Variants in PPM1L observed in about 807,000 individuals in gnomAD.
PPM1L encodes the protein protein phosphatase, Mg2+/Mn2+ dependent 1L, also known as protein phosphatase 1L.
A neutral mutation model predicts 31.4 loss-of-function variants in PPM1L; 13 were observed. That is an observed-to-expected ratio of 0.41 (90% CI 0.27 to 0.66). The LOEUF (loss-of-function observed/expected upper bound fraction) is 0.66. PPM1L is among the 30% of genes least tolerant of loss of function. PPM1L has a pLI of 0.29. For missense variants in PPM1L, 326 were observed against 453.7 expected (o/e 0.72, Z 2.56); for synonymous variants, 184 against 175.4 (o/e 1.05, Z -0.39).
At chr3:160,795,196 A>G (rs1358645525) in intron 1 of PPM1L, among the ~76,000 whole-genome samples, 1 of 152,224 alleles carries the variant, frequency 6.6e-6, no homozygotes, top group Non-Finnish European at 1.5e-5. Flanking sequence ...CGATCCACCA[A>G]TAAGCATTTT....
chr3:161,052,446 T>C (rs986905009), intron 2 of PPM1L, among the ~76,000 whole-genome samples: 7 of 152,214 alleles, frequency 4.6e-5, no homozygotes, highest in Non-Finnish European at 2.9e-5. Context: ...CCCAAAACCT[T>C]GGTTGATAGA....
chr3:160,849,388 G>A (rs1179235750), intron 1 of PPM1L, among the ~76,000 whole-genome samples: 1 of 151,524 alleles, frequency 6.6e-6, no homozygotes, highest in Admixed American at 6.6e-5. Context: ...CAGGAGACCT[G>A]CATTCTCTTT....
chr3:160,890,517 A>G (rs1713101615), intron 1 of PPM1L, among the ~76,000 whole-genome samples: 1 of 152,240 alleles, frequency 6.6e-6, no homozygotes, highest in South Asian at 2.1e-4. Context: ...CCTCATGGAT[A>G]GTAAGAATCA....
At chr3:160,921,498 A>G (rs1243847801) in intron 1 of PPM1L, among the ~76,000 whole-genome samples, 3 of 152,198 alleles carry the variant, frequency 2.0e-5, no homozygotes, top group African/African-American at 7.2e-5. Flanking sequence ...ATAATTTCAA[A>G]GGGCCTTTGA....
chr3:160,981,790 T>C (rs967349963), intron 2 of PPM1L, among the ~76,000 whole-genome samples: 2 of 144,826 alleles, frequency 1.4e-5, no homozygotes, highest in Non-Finnish European at 3.1e-5. Context: ...TGAGATGGAG[T>C]CTCGCTCTGT....
chr3:161,048,922 G>A (rs1485584904), intron 2 of PPM1L, among the ~76,000 whole-genome samples: 2 of 112,022 alleles, frequency 1.8e-5, no homozygotes, highest in Non-Finnish European at 3.4e-5. Flanking sequence ...ACACACTGGG[G>A]CCTGTCGTGG....
At chr3:160,904,488 T>C (rs941572017) in intron 1 of PPM1L, among the ~76,000 whole-genome samples, 14 of 152,158 alleles carry the variant, frequency 9.2e-5, no homozygotes, top group South Asian at 6.2e-4. Flanking sequence ...GTTTCTGTAT[T>C]TCTCAAGTTT....
chr3:160,828,185 G>A (rs1713412783), intron 1 of PPM1L, among the ~76,000 whole-genome samples: 1 of 152,008 alleles, frequency 6.6e-6, no homozygotes, highest in South Asian at 2.1e-4. Context: ...ATGCTTCTTG[G>A]TGCTATCTGT....
intron 1 of PPM1L, among the ~76,000 whole-genome samples, chr3:160,871,766 T>C (rs569272677): frequency 2.0e-4 from 31 of 152,220 alleles, no homozygotes; most frequent in African/African-American, 7.0e-4. Flanking sequence ...CCTTCCTTTT[T>C]TTTTTCTTAT....
intron 1 of PPM1L, among the ~76,000 whole-genome samples, chr3:160,869,061 A>G (rs1425313413): frequency 1.3e-5 from 2 of 152,324 alleles, no homozygotes; most frequent in East Asian, 3.9e-4. Flanking sequence ...GGGCTTTACT[A>G]TACCTGCTCT....
chr3:160,960,558 TTGTGTGTGTGTGTGTG>T (rs59297068), intron 1 of PPM1L, among the ~76,000 whole-genome samples: 424 of 145,456 alleles, frequency 2.9e-3, no homozygotes, highest in African/African-American at 9.0e-3. Context: ...TTTAGCAGTT[TTGTGTGTGTGTGTGTG>T]TGTGTGTGTG....
intron 1 of PPM1L, among the ~76,000 whole-genome samples, chr3:160,884,493 A>G (rs1307510905): frequency 6.6e-6 from 1 of 152,194 alleles, no homozygotes; most frequent in African/African-American, 2.4e-5. Flanking sequence ...TTTGTGACCT[A>G]TGTGCTGTAA....
At chr3:160,779,906 A>G (rs1213869656) in intron 1 of PPM1L, among the ~76,000 whole-genome samples, 1 of 152,148 alleles carries the variant, frequency 6.6e-6, no homozygotes. Context: ...CATCTGAAAA[A>G]ATGCGAATGA....
intron 1 of PPM1L, among the ~76,000 whole-genome samples, chr3:160,785,061 G>A (rs1711863774): frequency 6.6e-6 from 1 of 152,106 alleles, no homozygotes; most frequent in Non-Finnish European, 1.5e-5. Flanking sequence ...GACTAGCACT[G>A]GGGAGTGTGT....
At position 161,002,135 on chromosome 3, in the gene PPM1L, A is replaced by G. The variant is rs145948036; in HGVS notation, c.574+40225A>G. Reference sequence around the variant, plus strand: ...AGTTTACTGAGAATGATGATTTCCAATTTCATCCATGTCCCTACAAACGAC... The same window carrying G: ...AGTTTACTGAGAATGATGATTTCCAGTTTCATCCATGTCCCTACAAACGAC... On this transcript the variant is annotated intron_variant, in intron 2 of 3. Coordinates refer to ENST00000498165, the MANE Select transcript of PPM1L (RefSeq NM_139245.4). Among the ~76,000 whole-genome samples, 1,312 of 152,078 alleles carry G rather than the reference A, an allele frequency of 8.6e-3. 26 individuals are homozygous for G. The highest frequency in any genetic ancestry group is 0.029 in the African/African-American group (1,217 of 41,464).
intron 1 of PPM1L, among the ~76,000 whole-genome samples, chr3:160,956,345 T>C (rs7644586): frequency 0.47 from 71,008 of 152,164 alleles, 17,866 homozygotes; most frequent in East Asian, 0.73. Flanking sequence ...GCCGAAGTCA[T>C]CATCTTTTCA....
intron 1 of PPM1L, among the ~76,000 whole-genome samples, chr3:160,847,315 A>G (rs1319134491): frequency 6.6e-6 from 1 of 152,238 alleles, no homozygotes; most frequent in African/African-American, 2.4e-5. Context: ...CCAATATTTT[A>G]TATTAATTTT....
At chr3:160,917,397 T>G (rs1714221015) in intron 1 of PPM1L, among the ~76,000 whole-genome samples, 1 of 152,224 alleles carries the variant, frequency 6.6e-6, no homozygotes, top group Non-Finnish European at 1.5e-5. Flanking sequence ...TAGAAATTGT[T>G]GACTTTCCAG....
intron 1 of PPM1L, among the ~76,000 whole-genome samples, chr3:160,805,197 A>G (rs541675069): frequency 1.3e-5 from 2 of 152,346 alleles, no homozygotes; most frequent in East Asian, 1.9e-4. Flanking sequence ...TGTAATTTAT[A>G]TCACTTTGAA....
Sources: gnomAD v4.1 joint callset for allele counts (sites outside exome capture counted in the v4.1 genomes callset) on GRCh38, gnomAD v4.1.1 for gene constraint, MANE v1.5 for transcripts, NCBI Gene and HGNC (gene_info 2026-07-23, HGNC 2026-07-21) for gene names.